The following GALNS variants were observed in gnomAD, a reference collection of about 807,000 sequenced individuals.
GALNS encodes galactosamine (N-acetyl)-6-sulfatase, also known as N-acetylgalactosamine-6-sulfatase.
In GALNS, 65 loss-of-function variants were observed where a neutral mutation model predicts 65.9. That is an observed-to-expected ratio of 0.99 (90% confidence interval 0.81 to 1.21). GALNS has a LOEUF of 1.21. Ranked by LOEUF, GALNS falls within the 50% of genes most tolerant of loss-of-function variation. GALNS has a pLI of 0.00. For missense variants in GALNS, 776 were observed against 700.7 expected, an observed-to-expected ratio of 1.11 and a Z score of -1.21; for synonymous variants, 346 against 288.9, an observed-to-expected ratio of 1.20 and a Z score of -2.00.
At chr16:88,822,780 G>A (rs995451658) in intron 11 of GALNS, 70 bp from the exon 12 acceptor site, 36 of 1,578,498 alleles carry the variant, frequency 2.3e-5, no homozygotes, top group Admixed American at 3.5e-5. Flanking sequence ...TCGTCTGCCC[G>A]TGTCCTGGAG....
chr16:88,855,668 T>C (rs1435271337), intron 1 of GALNS: 1 of 598,926 alleles, frequency 1.7e-6, no homozygotes, highest in Non-Finnish European at 3.0e-6. Context: ...ATAAAATTGT[T>C]AAGTGAGATA....
At chr16:88,850,789 C>G (rs1017483935) in intron 1 of GALNS, among the ~76,000 whole-genome samples, 14 of 152,256 alleles carry the variant, frequency 9.2e-5, no homozygotes, top group African/African-American at 3.4e-4. Flanking sequence ...GTTCCCAGGG[C>G]TTTTGCCTAG....
At chr16:88,835,977 G>T in intron 6 of GALNS, 128 bp from the exon 7 acceptor site, 2 of 1,464,626 alleles carry the variant, frequency 1.4e-6, no homozygotes, top group Admixed American at 1.8e-5. Context: ...GTCCCACGGG[G>T]CAAGGTTGGT....
chr16:88,836,608 C>T (rs547662728), intron 5 of GALNS, among the ~76,000 whole-genome samples: 16 of 151,808 alleles, frequency 1.1e-4, no homozygotes, highest in South Asian at 4.2e-4. Flanking sequence ...GAGCCGAGAT[C>T]GCGCCACTGC....
intron 5 of GALNS, among the ~76,000 whole-genome samples, chr16:88,836,992 G>A (rs1045052926): frequency 1.3e-5 from 2 of 152,246 alleles, no homozygotes; most frequent in African/African-American, 4.8e-5. Context: ...TGCGTGGTGC[G>A]ACTCCCACAC....
At chr16:88,816,877 A>G in intron 13 of GALNS, 1 of 985,434 alleles carries the variant, frequency 1.0e-6, no homozygotes, top group Non-Finnish European at 1.2e-6. Context: ...CCTGCGCGGC[A>G]GATCCAGGGG....
intron 1 of GALNS, 30 bp downstream of exon 1, chr16:88,856,728 G>T: frequency 2.6e-6 from 2 of 776,184 alleles, no homozygotes; most frequent in African/African-American, 1.8e-5. Flanking sequence ...CCCCACCCCG[G>T]CCCTGCCCCG....
chr16:88,816,751 G>A, intron 13 of GALNS: 4 of 985,446 alleles, frequency 4.1e-6, no homozygotes, highest in Non-Finnish European at 4.8e-6. Flanking sequence ...GCACCCAGCG[G>A]CTCCCACGCT....
chr16:88,847,754 A>T (rs1967317311), intron 1 of GALNS, among the ~76,000 whole-genome samples: 1 of 152,246 alleles, frequency 6.6e-6, no homozygotes, highest in Non-Finnish European at 1.5e-5. Context: ...GAGCCCTCAC[A>T]CACCATGTAA....
chr16:88,842,134 C>T (rs543927080), intron 2 of GALNS, 163 bp from the exon 3 acceptor site: 2 of 721,086 alleles, frequency 2.8e-6, no homozygotes, highest in South Asian at 3.0e-5. Context: ...GTCTCCACCA[C>T]CTGGGTGGGG....
At chr16:88,827,019 T>C in intron 9 of GALNS, 181 bp from the exon 10 acceptor site, 1 of 714,402 alleles carries the variant, frequency 1.4e-6, no homozygotes, top group Non-Finnish European at 2.4e-6. Flanking sequence ...CAGAGGAGCC[T>C]CAAACCAGGC....
At chr16:88,828,347 AG>A (rs1911142027) in intron 9 of GALNS, among the ~76,000 whole-genome samples, 1 of 152,256 alleles carries the variant, frequency 6.6e-6, no homozygotes, top group Non-Finnish European at 1.5e-5. Flanking sequence ...CTCTCCAGGC[AG>A]CGATGCCTTC....
chr16:88,848,290 GACCCGCACACTTTC>G (rs148121711), intron 1 of GALNS, among the ~76,000 whole-genome samples: 4,498 of 152,242 alleles, frequency 0.03, 214 homozygotes, highest in African/African-American at 0.1. Flanking sequence ...CACTAAAAAT[GACCCGCACACTTTC>G]ACCAGCGAAT....
chr16:88,829,489 G>A (rs1018525724), intron 9 of GALNS, among the ~76,000 whole-genome samples: 15 of 152,242 alleles, frequency 9.9e-5, no homozygotes, highest in Non-Finnish European at 1.5e-5. Context: ...AGGGTCCTGG[G>A]AACTTGGGGT....
chr16:88,828,884 C>T (rs1175252623), intron 9 of GALNS, among the ~76,000 whole-genome samples: 1 of 152,182 alleles, frequency 6.6e-6, no homozygotes, highest in East Asian at 1.9e-4. Flanking sequence ...AGCCCCAGCC[C>T]TGTCCCGGCC....
intron 13 of GALNS, chr16:88,815,836 C>T: frequency 3.0e-6 from 3 of 984,830 alleles, no homozygotes; most frequent in South Asian, 4.7e-5. Context: ...GCAGAGGCAG[C>T]CGCAGGGTGT....
chr16:88,840,629 C>T (rs1381814380), intron 4 of GALNS: 3 of 373,562 alleles, frequency 8.0e-6, no homozygotes, highest in East Asian at 6.6e-5. Flanking sequence ...GCAGCTCCTC[C>T]GCCACAGCTC....
Position 88,836,264 on chromosome 16 carries a change from A to G in GALNS, c.570T>C (p.Tyr190=), listed in dbSNP as rs1468418435. Residue 190 remains tyrosine (Y), a synonymous_variant, in exon 6 of 14, where the codon TAT becomes TAC. Coordinates refer to ENST00000268695, the MANE Select transcript of GALNS (RefSeq NM_000512.5). ...VYRDWEMVGR[Y]YEEFPINLKT... is the part of the protein sequence containing the mutation. ...TCAGATTAATAGGAAATTCTTCATA[A>G]TATCTGAAAAGAACACAGATCCAGA... is the stretch of plus-strand genomic sequence containing the variant. 1 of 1,611,686 alleles carries G rather than the reference A, an allele frequency of 6.2e-7. No individual in the cohort carries two copies. The highest frequency in any genetic ancestry group is 1.1e-5 in the South Asian group (1 of 90,952).
chr16:88,837,122 G>C (rs1273257153), intron 5 of GALNS, among the ~76,000 whole-genome samples: 1 of 152,232 alleles, frequency 6.6e-6, no homozygotes, highest in Non-Finnish European at 1.5e-5. Flanking sequence ...ATTCACAAAA[G>C]ATGAGGGTCC....
Sources: gnomAD v4.1 joint callset for allele counts (sites outside exome capture counted in the v4.1 genomes callset) on GRCh38, gnomAD v4.1.1 for gene constraint, MANE v1.5 for transcripts, NCBI Gene and HGNC (gene_info 2026-07-23, HGNC 2026-07-21) for gene names.